The following LDLRAD4 variants were observed in gnomAD, a reference collection of about 807,000 sequenced individuals.
LDLRAD4 encodes the protein low density lipoprotein receptor class A domain containing 4.
Under a neutral mutation model 17.0 loss-of-function variants are expected in LDLRAD4, and 5 were observed. The ratio of observed to expected loss-of-function variants is 0.29; its 90% CI spans 0.15 to 0.62. LDLRAD4 has a LOEUF of 0.62. Among genes scored for constraint, LDLRAD4 ranks in the 20% least tolerant of loss-of-function variants. The probability of loss-of-function intolerance (pLI) is 0.84; values close to 1 mark genes in which losing one functional copy is unlikely to be tolerated. For missense variants in LDLRAD4, 340 were observed against 424.7 expected (o/e 0.80, Z 1.75); for synonymous variants, 168 against 171.8 (o/e 0.98, Z 0.17).
intron 1 of LDLRAD4, among the ~76,000 whole-genome samples, chr18:13,255,194 GC>G (rs371613539): frequency 2.6e-5 from 4 of 151,296 alleles, no homozygotes; most frequent in South Asian, 4.2e-4. Flanking sequence ...ACAGATGCCC[GC>G]CCCCCCCAGC....
At chr18:13,598,858 A>T (rs555238472) in intron 3 of LDLRAD4, among the ~76,000 whole-genome samples, 1 of 152,246 alleles carries the variant, frequency 6.6e-6, no homozygotes, top group East Asian at 1.9e-4. Context: ...CCTCAACTTT[A>T]TGGGCAGGAT....
At chr18:13,321,915 A>G (rs1456594712) in intron 1 of LDLRAD4, among the ~76,000 whole-genome samples, 1 of 58,342 alleles carries the variant, frequency 1.7e-5, no homozygotes, top group Non-Finnish European at 3.2e-5. Flanking sequence ...AAAGAAAAAG[A>G]ATAAAAAGAA....
At chr18:13,548,525 A>G (rs2094396545) in intron 3 of LDLRAD4, among the ~76,000 whole-genome samples, 2 of 152,242 alleles carry the variant, frequency 1.3e-5, no homozygotes, top group African/African-American at 4.8e-5. Flanking sequence ...ACACCTGGTC[A>G]GGTCGTAATA....
intron 1 of LDLRAD4, among the ~76,000 whole-genome samples, chr18:13,384,078 A>G (rs971512488): frequency 2.6e-5 from 4 of 152,150 alleles, no homozygotes; most frequent in African/African-American, 9.7e-5. Context: ...GGCCATGACC[A>G]CGCTTAGACC....
intron 1 of LDLRAD4, among the ~76,000 whole-genome samples, chr18:13,325,976 C>T (rs1437156522): frequency 6.6e-6 from 1 of 151,954 alleles, no homozygotes; most frequent in African/African-American, 2.4e-5. Context: ...ACTGTATTAG[C>T]CAGGATGTTC....
At chr18:13,411,305 A>C (rs1001800058) in intron 2 of LDLRAD4, among the ~76,000 whole-genome samples, 18 of 151,166 alleles carry the variant, frequency 1.2e-4, no homozygotes, top group African/African-American at 4.1e-4. Flanking sequence ...CTAAGAGCAA[A>C]ATCATCTTTT....
chr18:13,250,027 G>T lies in LDLRAD4; in HGVS notation c.-466-28078G>T, dbSNP rs569345727. 1.5e-3 allele frequency among the ~76,000 whole-genome samples: 228 copies of T among 152,304 alleles called. No homozygotes were observed. The Middle Eastern group carries it at 0.02, about 14-fold the overall frequency. ...GTTCAGGGGTACATGTGCAGGAAGTGCTGGTTTGTTACATAGGTAAACGTG... is the reference window on the plus strand; with the variant it reads ...GTTCAGGGGTACATGTGCAGGAAGTTCTGGTTTGTTACATAGGTAAACGTG... On this transcript the variant is annotated intron_variant, in intron 1 of 5. Transcript: ENST00000399848.
intron 3 of LDLRAD4, among the ~76,000 whole-genome samples, chr18:13,599,206 A>C (rs2095130995): frequency 6.6e-6 from 1 of 152,070 alleles, no homozygotes; most frequent in South Asian, 2.1e-4. Flanking sequence ...TTTTTGCCAC[A>C]CCCACTCAGT....
intron 1 of LDLRAD4, among the ~76,000 whole-genome samples, chr18:13,326,843 A>C (rs1162526461): frequency 6.6e-6 from 1 of 151,620 alleles, no homozygotes; most frequent in Non-Finnish European, 1.5e-5. Context: ...ATCTTGGCTC[A>C]CTGCAAGCTC....
At chr18:13,453,271 C>A (rs1359520977) in intron 3 of LDLRAD4, among the ~76,000 whole-genome samples, 1 of 152,136 alleles carries the variant, frequency 6.6e-6, no homozygotes, top group Non-Finnish European at 1.5e-5. Flanking sequence ...TGGTGTCCTG[C>A]TGTGTGTGAA....
intron 3 of LDLRAD4, among the ~76,000 whole-genome samples, chr18:13,439,708 C>A (rs2090903387): frequency 2.0e-5 from 3 of 152,182 alleles, no homozygotes; most frequent in Non-Finnish European, 4.4e-5. Context: ...GTGCATGGAA[C>A]CAGGGCTGGG....
intron 3 of LDLRAD4, among the ~76,000 whole-genome samples, chr18:13,594,857 A>ATC (rs1691896751): frequency 6.6e-6 from 1 of 152,042 alleles, no homozygotes; most frequent in African/African-American, 2.4e-5. Flanking sequence ...CTGTAAAGCC[A>ATC]TCTTGGTCTG....
chr18:13,447,892 C>T (rs1179808048), intron 3 of LDLRAD4, among the ~76,000 whole-genome samples: 5 of 152,138 alleles, frequency 3.3e-5, no homozygotes, highest in South Asian at 2.1e-4. Flanking sequence ...CGCAATGAGA[C>T]GCCGGCTTAA....
chr18:13,548,353 C>T (rs1373671221), intron 3 of LDLRAD4, among the ~76,000 whole-genome samples: 2 of 152,228 alleles, frequency 1.3e-5, no homozygotes, highest in African/African-American at 2.4e-5. Context: ...CTGTTCATGG[C>T]ATTCATGGCG....
At chr18:13,316,618 C>G (rs1302951012) in intron 1 of LDLRAD4, among the ~76,000 whole-genome samples, 1 of 152,176 alleles carries the variant, frequency 6.6e-6, no homozygotes, top group Non-Finnish European at 1.5e-5. Flanking sequence ...GTGTGATGTG[C>G]AGGCAGAATT....
At position 13,641,558 on chromosome 18, in the gene LDLRAD4, A is replaced by C. The variant is rs568542823; in HGVS notation, c.337-1801A>C. Among the ~76,000 whole-genome samples the C allele has an allele frequency of 2.3e-3, 356 of 152,312 alleles. 3 individuals are homozygous for C. Among genetic ancestry groups the C allele is most frequent in the African/African-American group, 8.2e-3 (343 of 41,588 alleles). ...CTAGGGCAGCGGCCTCTGCCCAGAC[A>C]CTCAGTGCTGCAGAACAGGAGGGAG... On this transcript the variant is annotated intron_variant, in intron 4 of 5. Transcript: ENST00000359446.
At chr18:13,512,920 C>G (rs1247936144) in intron 3 of LDLRAD4, among the ~76,000 whole-genome samples, 1 of 152,116 alleles carries the variant, frequency 6.6e-6, no homozygotes, top group Non-Finnish European at 1.5e-5. Flanking sequence ...TATACGTTAC[C>G]CTATCCTGTC....
chr18:13,510,504 T>C (rs1376743063), intron 3 of LDLRAD4, among the ~76,000 whole-genome samples: 1 of 149,388 alleles, frequency 6.7e-6, no homozygotes, highest in African/African-American at 2.5e-5. Context: ...TTTGATATAA[T>C]GGACTTTGGA....
chr18:13,630,924 G>C (rs2041605898), intron 4 of LDLRAD4, among the ~76,000 whole-genome samples: 1 of 152,204 alleles, frequency 6.6e-6, no homozygotes, highest in Admixed American at 6.5e-5. Context: ...AAAGCACATG[G>C]TGGAAAACAC....
Sources: gnomAD v4.1 joint callset for allele counts (sites outside exome capture counted in the v4.1 genomes callset) on GRCh38, gnomAD v4.1.1 for gene constraint, MANE v1.5 for transcripts, NCBI Gene and HGNC (gene_info 2026-07-23, HGNC 2026-07-21) for gene names.